The following PUM1 variants were observed in gnomAD, a reference collection of about 807,000 sequenced individuals.
The protein encoded by PUM1 is pumilio homolog 1.
PUM1 carries 13 observed loss-of-function variants against 131.8 expected under a neutral mutation model. The observed-to-expected ratio is 0.10, with a 90% CI of 0.06 to 0.16. The LOEUF (loss-of-function observed/expected upper bound fraction) is 0.16. Among genes scored for constraint, PUM1 ranks in the 10% least tolerant of loss-of-function variants. PUM1 has a pLI of 1.00. For synonymous variants in PUM1, 509 were observed against 556.5 expected, an observed-to-expected ratio of 0.91 and a Z score of 1.20; for missense variants, 961 against 1,512.4, an observed-to-expected ratio of 0.64 and a Z score of 6.05.
At chr1:31,008,832 A>T (rs1230685569) in intron 3 of PUM1, among the ~76,000 whole-genome samples, 1 of 152,060 alleles carries the variant, frequency 6.6e-6, no homozygotes, top group African/African-American at 2.4e-5. Context: ...GGACAATTCA[A>T]TAATTATTTT....
chr1:30,962,494 C>G (rs1640457013), intron 14 of PUM1, among the ~76,000 whole-genome samples: 1 of 152,164 alleles, frequency 6.6e-6, no homozygotes, highest in Non-Finnish European at 1.5e-5. Context: ...CTCACTGCAG[C>G]CTGTCTCCCA....
intron 14 of PUM1, among the ~76,000 whole-genome samples, chr1:30,957,093 C>CACACACACACACAT (rs755226794): frequency 3.0e-5 from 4 of 135,062 alleles, no homozygotes; most frequent in Admixed American, 8.1e-5. Flanking sequence ...TTCATACACA[C>CACACACACACACAT]ACACACACAC....
At chr1:31,039,221 A>AT (rs1557599528) in intron 2 of PUM1, among the ~76,000 whole-genome samples, 1 of 147,274 alleles carries the variant, frequency 6.8e-6, no homozygotes. Context: ...ACAAAAAAAA[A>AT]ATTTTTTTTT....
chr1:31,001,654 A>T (rs894416041), intron 5 of PUM1, among the ~76,000 whole-genome samples: 5 of 152,222 alleles, frequency 3.3e-5, no homozygotes, highest in Non-Finnish European at 7.3e-5. Flanking sequence ...GACTAAACAA[A>T]GAAATTCATG....
intron 20 of PUM1, 41 bp from the exon 21 acceptor site, chr1:30,936,876 G>A (rs1275603930): frequency 6.6e-7 from 1 of 1,506,500 alleles, no homozygotes; most frequent in Admixed American, 1.8e-5. Flanking sequence ...TACAAGAGAG[G>A]CCCCTGTTAG....
chr1:31,064,086 C>A (rs1027833937), intron 1 of PUM1, among the ~76,000 whole-genome samples: 12 of 152,150 alleles, frequency 7.9e-5, no homozygotes, highest in African/African-American at 2.9e-4. Flanking sequence ...CAAATGTTTA[C>A]AAAGTTTTTT....
chr1:30,937,921 G>A (rs928696865), intron 20 of PUM1, among the ~76,000 whole-genome samples: 2 of 151,942 alleles, frequency 1.3e-5, no homozygotes, highest in Non-Finnish European at 2.9e-5. Context: ...ACAGATGTCC[G>A]CCATGACACC....
At chr1:31,051,656 C>G (rs1022436824) in intron 2 of PUM1, among the ~76,000 whole-genome samples, 7 of 151,752 alleles carry the variant, frequency 4.6e-5, no homozygotes, top group African/African-American at 1.5e-4. Context: ...CTCCTATAGG[C>G]TGTCAATCTA....
chr1:31,042,214 G>A (rs1643841093), intron 2 of PUM1, among the ~76,000 whole-genome samples: 2 of 152,036 alleles, frequency 1.3e-5, no homozygotes, highest in South Asian at 2.1e-4. Flanking sequence ...GCTGAGGCAT[G>A]AGAATCGCTT....
At chr1:31,059,150 G>A (rs1346393331) in intron 2 of PUM1, 54 bp downstream of exon 2, 1 of 1,511,038 alleles carries the variant, frequency 6.6e-7, no homozygotes, top group Non-Finnish European at 8.9e-7. Context: ...GATATCCTAA[G>A]TGGACAGTGA....
chr1:31,013,672 G>A (rs1301648553), intron 3 of PUM1, among the ~76,000 whole-genome samples: 1 of 152,178 alleles, frequency 6.6e-6, no homozygotes, highest in East Asian at 1.9e-4. Context: ...ATTAAGAGAA[G>A]ATGACATCAA....
In PUM1 at chr1:31,065,710, G is replaced by T; in HGVS notation, c.-106C>A. On this transcript the variant is annotated 5_prime_UTR_variant, in exon 1 of 22. Transcript: ENST00000426105. ...TTACCTTTCACTCCGACAACATGGC[G>T]GCCCACTGGGGACTGGGTTGGCGCG... is the stretch of plus-strand genomic sequence containing the variant. 1 of 1,549,666 alleles carries T rather than the reference G, an allele frequency of 6.5e-7. No homozygotes were observed. The highest frequency in any genetic ancestry group is 2.4e-5 in the East Asian group (1 of 40,864).
At chr1:31,037,291 T>A (rs1643641531) in intron 2 of PUM1, 1 of 152,348 alleles carries the variant, frequency 6.6e-6, no homozygotes, top group Non-Finnish European at 1.5e-5. Flanking sequence ...TGTTGATATT[T>A]CTCTGCTGAC....
intron 20 of PUM1, among the ~76,000 whole-genome samples, chr1:30,937,452 C>T (rs1439736604): frequency 6.6e-6 from 1 of 151,950 alleles, no homozygotes; most frequent in Non-Finnish European, 1.5e-5. Flanking sequence ...TTGCAGTGAG[C>T]CGAGATTGTG....
At chr1:30,966,898 G>A (rs1640644251) in intron 12 of PUM1, among the ~76,000 whole-genome samples, 1 of 151,902 alleles carries the variant, frequency 6.6e-6, no homozygotes, top group South Asian at 2.1e-4. Context: ...TGTGAGTAAT[G>A]CAACTTCTAT....
intron 2 of PUM1, among the ~76,000 whole-genome samples, chr1:31,039,712 C>T (rs1570331518): frequency 2.0e-5 from 3 of 152,092 alleles, no homozygotes; most frequent in East Asian, 3.9e-4. Flanking sequence ...ACCAGCCTGG[C>T]TGACATGGTA....
chr1:30,940,318 T>TA lies in PUM1; in HGVS notation c.3242+832dup, dbSNP rs558454224. The stretch of plus-strand genomic sequence containing the variant: ...TGGTGAAACCCTGTCTCTACAAAAA[T>TA]AAAAAAAAGTAGCTGGGCGTGGTGG... On this transcript the variant is annotated intron_variant, in intron 20 of 21. Transcript: ENST00000426105. Among the ~76,000 whole-genome samples, 17 of 151,616 alleles carry TA rather than the reference T, an allele frequency of 1.1e-4. No individual in the cohort carries two copies. The South Asian group carries it at 1.5e-3, about 13-fold the overall frequency.
At chr1:31,057,758 T>C (rs1481217424) in intron 2 of PUM1, among the ~76,000 whole-genome samples, 3 of 149,538 alleles carry the variant, frequency 2.0e-5, no homozygotes, top group Non-Finnish European at 3.0e-5. Context: ...CAACTATGGT[T>C]CACTTTTGGG....
At chr1:31,045,574 C>A (rs1643937108) in intron 2 of PUM1, among the ~76,000 whole-genome samples, 2 of 152,056 alleles carry the variant, frequency 1.3e-5, no homozygotes, top group South Asian at 4.2e-4. Context: ...CATGAGACCC[C>A]ATCTGTACAA....
Sources: allele counts gnomAD v4.1 joint callset (sites outside exome capture counted in the v4.1 genomes callset), GRCh38; gene constraint gnomAD v4.1.1; transcripts MANE v1.5; gene names NCBI Gene and HGNC (gene_info 2026-07-23, HGNC 2026-07-21).